Variants in ATOSA observed in about 807,000 individuals in gnomAD.
ATOSA encodes atos homolog protein A.
chr15:52,582,348 G>C, the ATOSA span: 1 of 1,477,472 alleles, frequency 6.8e-7, no homozygotes, highest in African/African-American at 1.5e-5. Context: ...CAGAGAACGA[G>C]TCTTTAAAAG....
chr15:52,627,139 G>C, the ATOSA span, among the ~76,000 whole-genome samples: 8 of 152,100 alleles, frequency 5.3e-5, no homozygotes, highest in Admixed American at 4.6e-4. Context: ...CTCTCTGCCA[G>C]AGCCACCCAA....
At chr15:52,609,882 G>A in the ATOSA span, 17 of 1,613,222 alleles carry the variant, frequency 1.1e-5, no homozygotes, top group Non-Finnish European at 1.4e-5. Context: ...TAGAGATACT[G>A]GAATCAACCA....
At chr15:52,646,145 A>C in the ATOSA span, among the ~76,000 whole-genome samples, 1 of 152,126 alleles carries the variant, frequency 6.6e-6, no homozygotes, top group Non-Finnish European at 1.5e-5. Flanking sequence ...AATGACCCCT[A>C]CTTCTAGTAC....
chr15:52,593,638 A>G, the ATOSA span: 1 of 1,568,314 alleles, frequency 6.4e-7, no homozygotes, highest in Admixed American at 1.9e-5. Context: ...CAACTGGAAG[A>G]GTCAAATGTG....
the ATOSA span, chr15:52,608,784 C>A: frequency 6.2e-7 from 1 of 1,604,622 alleles, no homozygotes; most frequent in Admixed American, 1.7e-5. Flanking sequence ...ATGTCTTAGG[C>A]CTTTTTGAGT....
At chr15:52,669,676 C>T in the ATOSA span, among the ~76,000 whole-genome samples, 1 of 152,170 alleles carries the variant, frequency 6.6e-6, no homozygotes, top group Non-Finnish European at 1.5e-5. Context: ...TTCCCAAATA[C>T]AGATTGGTCA....
chr15:52,695,400 G>C, the ATOSA span, among the ~76,000 whole-genome samples: 17 of 152,200 alleles, frequency 1.1e-4, no homozygotes, highest in Non-Finnish European at 2.2e-4. Flanking sequence ...TCTACAGGAT[G>C]ACTCACAGAT....
the ATOSA span, among the ~76,000 whole-genome samples, chr15:52,607,077 A>C: frequency 6.6e-6 from 1 of 152,202 alleles, no homozygotes; most frequent in Non-Finnish European, 1.5e-5. Flanking sequence ...GATTATCACC[A>C]CTCTAAGATA....
At chr15:52,601,237 T>C in the ATOSA span, 1 of 908,838 alleles carries the variant, frequency 1.1e-6, no homozygotes, top group East Asian at 2.7e-5. Context: ...GATAAAACAC[T>C]TTTTAAATGA....
At chr15:52,599,674 A>T in the ATOSA span, among the ~76,000 whole-genome samples, 18 of 152,222 alleles carry the variant, frequency 1.2e-4, no homozygotes, top group Admixed American at 3.3e-4. Flanking sequence ...TTGAATTTTT[A>T]AAAAATAACC....
the ATOSA span, among the ~76,000 whole-genome samples, chr15:52,684,492 G>C: frequency 1.3e-5 from 2 of 152,222 alleles, no homozygotes; most frequent in Admixed American, 1.3e-4. Flanking sequence ...AGCTATGATT[G>C]TGCCACTGTA....
At chr15:52,591,100 C>T in the ATOSA span, among the ~76,000 whole-genome samples, 1 of 152,324 alleles carries the variant, frequency 6.6e-6, no homozygotes, top group East Asian at 1.9e-4. Context: ...GTTCAAGTTA[C>T]CTCTTGCTCA....
the ATOSA span, chr15:52,590,624 G>T: frequency 6.6e-6 from 1 of 152,138 alleles, no homozygotes; most frequent in African/African-American, 2.4e-5. Context: ...CGCTCTGCTG[G>T]TCTGTGATAT....
At chr15:52,605,210 G>A in the ATOSA span, 1 of 1,610,898 alleles carries the variant, frequency 6.2e-7, no homozygotes, top group Non-Finnish European at 8.5e-7. Context: ...TGAAAATTAT[G>A]TTTTCGCCAC....
At chr15:52,657,084 T>G in the ATOSA span, 23 of 152,162 alleles carry the variant, frequency 1.5e-4, no homozygotes, top group Admixed American at 1.5e-3. Context: ...AATAATATTT[T>G]GTAGATGAAG....
the ATOSA span, among the ~76,000 whole-genome samples, chr15:52,612,756 G>A: frequency 6.6e-6 from 1 of 151,904 alleles, no homozygotes; most frequent in African/African-American, 2.4e-5. Flanking sequence ...ACCCTCCTCA[G>A]CTTCCCAAAA....
the ATOSA span, among the ~76,000 whole-genome samples, chr15:52,680,807 A>C: frequency 2.4e-4 from 36 of 152,338 alleles, no homozygotes; most frequent in African/African-American, 8.2e-4. Context: ...ATCCCAGTGG[A>C]TTTGACTTTG....
the ATOSA span, among the ~76,000 whole-genome samples, chr15:52,583,422 TG>T: frequency 6.7e-6 from 1 of 149,614 alleles, no homozygotes; most frequent in East Asian, 1.9e-4. Flanking sequence ...CATTCATTCA[TG>T]TGAGAGTCTT....
the ATOSA span, among the ~76,000 whole-genome samples, chr15:52,698,371 G>C: frequency 1.3e-5 from 2 of 152,098 alleles, no homozygotes; most frequent in East Asian, 1.9e-4. Flanking sequence ...GAGATAACCT[G>C]CATCTGCTTT....
Sources: gnomAD v4.1 joint callset for allele counts (sites outside exome capture counted in the v4.1 genomes callset) on GRCh38, gnomAD v4.1.1 for gene constraint, MANE v1.5 for transcripts, NCBI Gene and HGNC (gene_info 2026-07-23, HGNC 2026-07-21) for gene names.